The following HTR4 variants were observed in gnomAD, a reference collection of about 807,000 sequenced individuals.
HTR4 encodes the protein 5-hydroxytryptamine receptor 4.
Under a neutral mutation model 36.8 loss-of-function variants are expected in HTR4, and 16 were observed. The ratio of observed to expected loss-of-function variants is 0.43; its 90% confidence interval spans 0.29 to 0.66. The LOEUF is 0.66. Among genes scored for constraint, HTR4 ranks in the 30% least tolerant of loss-of-function variants. HTR4 has a pLI of 0.13. For synonymous variants in HTR4, 189 were observed against 185.1 expected (o/e 1.02, Z -0.17); for missense variants, 438 against 490.9 (o/e 0.89, Z 1.02).
intron 5 of HTR4, among the ~76,000 whole-genome samples, chr5:148,463,634 G>T (rs1004723453): frequency 2.6e-5 from 4 of 151,744 alleles, no homozygotes; most frequent in Non-Finnish European, 5.9e-5. Context: ...ATATTGTCAA[G>T]ATGTCAAGGC....
intron 1 of HTR4, among the ~76,000 whole-genome samples, chr5:148,644,422 G>GTTTTTTTTTTTTTTTTTTTTT (rs1175588280): frequency 4.9e-5 from 2 of 40,618 alleles, no homozygotes; most frequent in African/African-American, 1.1e-4. Flanking sequence ...AAGCTCACAA[G>GTTTTTTTTTTTTTTTTTTTTT]TTTTTTTTTT....
chr5:148,577,874 T>C (rs1760988392), intron 2 of HTR4, among the ~76,000 whole-genome samples: 1 of 151,782 alleles, frequency 6.6e-6, no homozygotes, highest in South Asian at 2.1e-4. Context: ...GGGTGCTGGG[T>C]TTAATTTCTG....
intron 5 of HTR4, chr5:148,465,936 A>C (rs1290937823): frequency 6.2e-7 from 1 of 1,612,396 alleles, no homozygotes; most frequent in Non-Finnish European, 8.5e-7. Flanking sequence ...CTTTTAGTTG[A>C]AACAGAAAAC....
intron 2 of HTR4, chr5:148,628,584 A>C (rs1160533006): frequency 6.6e-6 from 1 of 152,234 alleles, no homozygotes; most frequent in East Asian, 1.9e-4. Flanking sequence ...ATTTGAAAAA[A>C]TCAGTGATTC....
intron 2 of HTR4, among the ~76,000 whole-genome samples, chr5:148,626,526 A>G (rs574151156): frequency 1.4e-4 from 21 of 152,354 alleles, no homozygotes; most frequent in African/African-American, 4.8e-4. Flanking sequence ...ATACAAAGAA[A>G]ATAAGTCAGT....
At chr5:148,518,399 A>G (rs1362875946) in intron 5 of HTR4, among the ~76,000 whole-genome samples, 1 of 152,184 alleles carries the variant, frequency 6.6e-6, no homozygotes, top group African/African-American at 2.4e-5. Flanking sequence ...ATAATTAATT[A>G]TAGAGCAAAA....
rs186872133 is a variant in HTR4, at chr5:148,619,743, T to C, written c.26+17246A>G. Among the ~76,000 whole-genome samples, 14 of 152,120 alleles carry C rather than the reference T, an allele frequency of 9.2e-5. No individual in the cohort carries two copies. The East Asian group carries it at 2.7e-3, about 29-fold the overall frequency. On this transcript the variant is annotated intron_variant, in intron 2 of 6. Transcript: ENST00000377888. ...CTGGTCCAGCCAAGATTGTAGAAGC[T>C]GTAGGAGGAAGATAAAAAAATTTTT...
At chr5:148,451,228 A>C (rs199793887) in exon 6 of HTR4, 84 of 1,613,810 alleles carry the variant, frequency 5.2e-5, no homozygotes, top group Non-Finnish European at 7.0e-5. Flanking sequence ...GTGTATGGGC[A>C]GTTTCTCGAG....
chr5:148,536,756 A>G (rs561027109), intron 4 of HTR4, among the ~76,000 whole-genome samples: 41 of 152,352 alleles, frequency 2.7e-4, no homozygotes, highest in African/African-American at 9.4e-4. Context: ...TTAGAGACCT[A>G]CAAAGAGACA....
intron 2 of HTR4, among the ~76,000 whole-genome samples, chr5:148,632,899 G>T (rs1753374517): frequency 6.6e-6 from 1 of 152,112 alleles, no homozygotes; most frequent in South Asian, 2.1e-4. Flanking sequence ...GAATTAAGTA[G>T]GGTGAGGCAC....
At chr5:148,633,485 C>T (rs1753402679) in intron 2 of HTR4, among the ~76,000 whole-genome samples, 1 of 151,106 alleles carries the variant, frequency 6.6e-6, no homozygotes, top group South Asian at 2.1e-4. Context: ...CCCATTAACT[C>T]ATCATCTAGC....
At chr5:148,627,674 A>T (rs1025989614) in intron 2 of HTR4, among the ~76,000 whole-genome samples, 1 of 152,240 alleles carries the variant, frequency 6.6e-6, no homozygotes, top group African/African-American at 2.4e-5. Flanking sequence ...TTCTTCTTAC[A>T]TTCTTTAAAA....
chr5:148,509,884 A>G lies in HTR4; in HGVS notation c.648T>C (p.Tyr216=). ...LLMVLAYYRI[Y]VTAKEHAHQI... is the part of the protein sequence containing the mutation. The stretch of plus-strand genomic sequence containing the variant: ...GATGGGCATGCTCCTTAGCTGTGAC[A>G]TAGATGCGGTAATAGGCCAGCACCA... The change falls in exon 6 of 7, where the codon TAT becomes TAC. Residue 216 remains tyrosine, a synonymous_variant. Transcript: ENST00000377888. 2 of 1,614,060 alleles carry G rather than the reference A, an allele frequency of 1.2e-6. No homozygotes were observed. Among genetic ancestry groups the G allele is most frequent in the Non-Finnish European group, 1.7e-6 (2 of 1,180,004 alleles).
intron 2 of HTR4, among the ~76,000 whole-genome samples, chr5:148,599,282 G>A (rs1761896530): frequency 1.3e-5 from 2 of 152,190 alleles, no homozygotes; most frequent in African/African-American, 4.8e-5. Flanking sequence ...GAAATATTAT[G>A]ACCGCAACCA....
rs185279371 is a variant in HTR4, at chr5:148,649,179, A to G, written c.-48+4883T>C. ...AAAACATACATATGATAAATATTCA[A>G]TAAACATTATTTAAATTAAATCTGA... On this transcript the variant is annotated intron_variant, in intron 1 of 6. Transcript: ENST00000377888. 8.9e-4 allele frequency among the ~76,000 whole-genome samples: 136 copies of G among 152,290 alleles called. 1 individual carries two copies. The highest frequency in any genetic ancestry group is 3.2e-3 in the African/African-American group (133 of 41,578).
intron 5 of HTR4, among the ~76,000 whole-genome samples, chr5:148,510,606 G>T (rs931657328): frequency 2.6e-5 from 4 of 152,174 alleles, no homozygotes; most frequent in Non-Finnish European, 4.4e-5. Flanking sequence ...AAATCTCTGG[G>T]CAATGAAGCT....
chr5:148,634,263 G>C (rs944472038), intron 2 of HTR4, among the ~76,000 whole-genome samples: 3 of 152,004 alleles, frequency 2.0e-5, no homozygotes, highest in African/African-American at 7.3e-5. Context: ...TGTTCCTTTT[G>C]GGTGTCCATT....
chr5:148,578,601 A>G (rs1761016331), intron 2 of HTR4, among the ~76,000 whole-genome samples: 1 of 152,132 alleles, frequency 6.6e-6, no homozygotes, highest in Non-Finnish European at 1.5e-5. Context: ...CAGACGGTAT[A>G]ATCGCTAAAA....
chr5:148,497,511 G>A (rs112834460), intron 6 of HTR4, among the ~76,000 whole-genome samples: 1 of 151,998 alleles, frequency 6.6e-6, no homozygotes, highest in Non-Finnish European at 1.5e-5. Context: ...GTACAATGTT[G>A]ACCACAAGAG....
Sources: gnomAD v4.1 joint callset for allele counts (sites outside exome capture counted in the v4.1 genomes callset) on GRCh38, gnomAD v4.1.1 for gene constraint, MANE v1.5 for transcripts, NCBI Gene and HGNC (gene_info 2026-07-23, HGNC 2026-07-21) for gene names.